The following KAT2B variants were observed in gnomAD, a reference collection of about 807,000 sequenced individuals.
The protein encoded by KAT2B is histone acetyltransferase KAT2B.
A neutral mutation model predicts 105.9 loss-of-function variants in KAT2B; 36 were observed. The ratio of observed to expected loss-of-function variants is 0.34; its 90% confidence interval spans 0.26 to 0.45. The LOEUF (loss-of-function observed/expected upper bound fraction) is 0.45. KAT2B is among the 20% of genes least tolerant of loss of function. The probability of loss-of-function intolerance (pLI) is 1.00; values close to 1 mark genes in which losing one functional copy is unlikely to be tolerated. For synonymous variants in KAT2B, 397 were observed against 377.9 expected (o/e 1.05, Z -0.59); for missense variants, 820 against 1,021.6 (o/e 0.80, Z 2.69).
intron 1 of KAT2B, among the ~76,000 whole-genome samples, chr3:20,069,422 G>C (rs1043480975): frequency 2.0e-5 from 3 of 152,108 alleles, no homozygotes; most frequent in African/African-American, 7.2e-5. Flanking sequence ...ATCAACTTCT[G>C]TCCTTCTTGT....
chr3:20,114,559 T>G (rs571613864), intron 6 of KAT2B, among the ~76,000 whole-genome samples: 33 of 152,174 alleles, frequency 2.2e-4, no homozygotes, highest in Non-Finnish European at 3.4e-4. Flanking sequence ...ACAGTGACAG[T>G]GCAGCTATAT....
intron 8 of KAT2B, among the ~76,000 whole-genome samples, chr3:20,121,691 C>CTA (rs10652579): frequency 0.35 from 51,625 of 145,738 alleles, 9,288 homozygotes; most frequent in South Asian, 0.46. Flanking sequence ...AAATATATAG[C>CTA]TATATATACA....
chr3:20,119,065 T>C (rs1180352211), intron 7 of KAT2B, among the ~76,000 whole-genome samples: 2 of 152,048 alleles, frequency 1.3e-5, no homozygotes, highest in Admixed American at 6.6e-5. Flanking sequence ...TCATTGTTGG[T>C]ATTAAGTTTG....
chr3:20,129,344 C>CT (rs995382163), intron 11 of KAT2B, among the ~76,000 whole-genome samples: 1 of 150,324 alleles, frequency 6.7e-6, no homozygotes, highest in African/African-American at 2.4e-5. Flanking sequence ...TTATGGAGAC[C>CT]TTTTACATTA....
chr3:20,137,030 C>G lies in KAT2B; in HGVS notation c.1838C>G (p.Ala613Gly). The G allele has an allele frequency of 6.4e-7, 1 of 1,573,942 alleles. No individual in the cohort carries two copies. The highest frequency in any genetic ancestry group is 8.7e-7 in the Non-Finnish European group (1 of 1,143,658). Residue 613 changes from alanine (A) to glycine (G), a missense_variant, in exon 12 of 18, where the codon GCA becomes GGA. Ala to Gly is a moderately conservative substitution (Grantham distance 60, BLOSUM62 0). This residue lies in a region of KAT2B where 227 missense variants were observed against 292.9 expected (regional missense o/e 0.77). Transcript: ENST00000263754. ...LNFLTYADEY[A>G]IGYFKKQGFS... Reference sequence around the variant, plus strand: ...TTCCTCACATATGCAGATGAATATGCAATTGGATACTTTAAGAAACAGGTT... The same window carrying G: ...TTCCTCACATATGCAGATGAATATGGAATTGGATACTTTAAGAAACAGGTT...
At chr3:20,142,788 A>G (rs912436251) in intron 13 of KAT2B, among the ~76,000 whole-genome samples, 2 of 139,808 alleles carry the variant, frequency 1.4e-5, no homozygotes, top group Non-Finnish European at 3.3e-5. Context: ...ATTTGTGGGC[A>G]CATGAACAGG....
At chr3:20,078,216 C>T (rs184012135) in intron 2 of KAT2B, among the ~76,000 whole-genome samples, 6 of 151,398 alleles carry the variant, frequency 4.0e-5, no homozygotes, top group African/African-American at 7.3e-5. Flanking sequence ...AAAAAGGCAG[C>T]CTGTTTTTAC....
intron 17 of KAT2B, among the ~76,000 whole-genome samples, chr3:20,149,479 G>C (rs1224331698): frequency 1.3e-5 from 1 of 74,224 alleles, no homozygotes; most frequent in Non-Finnish European, 2.3e-5. Context: ...CTGGGCACTG[G>C]AGGGAGACCG....
At chr3:20,069,205 A>G (rs1698275924) in intron 1 of KAT2B, among the ~76,000 whole-genome samples, 1 of 152,232 alleles carries the variant, frequency 6.6e-6, no homozygotes, top group African/African-American at 2.4e-5. Flanking sequence ...ACTTGGGCTT[A>G]TAGGCTATCT....
intron 2 of KAT2B, among the ~76,000 whole-genome samples, chr3:20,083,221 A>C (rs1017475171): frequency 6.6e-6 from 1 of 150,706 alleles, no homozygotes; most frequent in Admixed American, 6.6e-5. Context: ...AGATTTGTGC[A>C]TTGTAGTTTA....
At chr3:20,096,197 T>G (rs1698807634) in intron 3 of KAT2B, among the ~76,000 whole-genome samples, 1 of 152,158 alleles carries the variant, frequency 6.6e-6, no homozygotes, top group Non-Finnish European at 1.5e-5. Context: ...ATTCCAAATT[T>G]ATTTTGGTAA....
intron 1 of KAT2B, among the ~76,000 whole-genome samples, chr3:20,048,692 G>C (rs1351165191): frequency 6.6e-6 from 1 of 152,166 alleles, no homozygotes; most frequent in Non-Finnish European, 1.5e-5. Context: ...GTCGTTAAGA[G>C]AAAAGTGGCT....
At position 20,124,961 on chromosome 3, in the gene KAT2B, C is replaced by T. The variant is rs374802460; in HGVS notation, c.1414-944C>T. Among the ~76,000 whole-genome samples, 44 of 152,262 alleles carry T rather than the reference C, an allele frequency of 2.9e-4. No homozygotes were observed. In the South Asian group the frequency reaches 8.7e-3, roughly 30 times the overall value. On this transcript the variant is annotated intron_variant, in intron 9 of 17. Coordinates refer to ENST00000263754, the MANE Select transcript of KAT2B (RefSeq NM_003884.5). Reference sequence around the variant, plus strand: ...TGCTGGCACATGGTTGTGCTTCCAGCTATGGTTGAGTGTAGGTCAACAGAT... The same window carrying T: ...TGCTGGCACATGGTTGTGCTTCCAGTTATGGTTGAGTGTAGGTCAACAGAT...
rs2293143 is a variant in KAT2B, at chr3:20,095,402, A to C, written c.570A>C (p.Leu190=). 1.2e-4 allele frequency: 184 copies of C among 1,580,820 alleles called. No homozygotes were observed. In the East Asian group the frequency reaches 4.0e-3, roughly 35 times the overall value. Residue 190 remains leucine (L), a synonymous_variant, in exon 3 of 18, where the codon CTA becomes CTC. Transcript: ENST00000263754. The part of the protein sequence containing the change: ...DADTKQVYFY[L]FKLLRKSILQ... ...ATACCAAACAAGTTTATTTCTATCT[A>C]TTTAAGGTGAGATTTTAACATTTTA...
Position 20,111,902 on chromosome 3 carries a change from G to A in KAT2B, c.1043+115G>A, listed in dbSNP as rs2365793. 51,978 of 808,450 alleles carry A rather than the reference G, an allele frequency of 0.064. 1,873 individuals are homozygous for A. Among genetic ancestry groups the A allele is most frequent in the Non-Finnish European group, 0.074 (38,462 of 522,572 alleles). The allele number at this position is 808,450 out of a possible 1,614,324, so 50.1% of individuals were successfully genotyped here. On this transcript the variant is annotated intron_variant, in intron 6 of 17. Transcript: ENST00000263754. ...GAAATGACAGAAGAAACATTCCAAG[G>A]GGATGGGAGAAAAGACCCTCAGTTC...
At chr3:20,083,439 G>A (rs1698555659) in intron 2 of KAT2B, among the ~76,000 whole-genome samples, 1 of 152,168 alleles carries the variant, frequency 6.6e-6, no homozygotes, top group East Asian at 1.9e-4. Context: ...TGTCAGTATA[G>A]TAAATAGTTT....
In KAT2B at chr3:20,085,360, C is replaced by T. The variant is rs1472681599; in HGVS notation, c.431-9903C>T. Among the ~76,000 whole-genome samples, 4 of 152,104 alleles carry T rather than the reference C, an allele frequency of 2.6e-5. 1 individual carries two copies. Among genetic ancestry groups the T allele is most frequent in the Non-Finnish European group, 5.9e-5 (4 of 68,028 alleles). ...TTGCAGTCTTAAGAAAAAGATGACC[C>T]AGCAAATGTTCTACCTAAGATGAAG... is the stretch of plus-strand genomic sequence containing the variant. On this transcript the variant is annotated intron_variant, in intron 2 of 17. Transcript: ENST00000263754.
At chr3:20,062,776 T>G (rs1698160596) in intron 1 of KAT2B, among the ~76,000 whole-genome samples, 1 of 152,046 alleles carries the variant, frequency 6.6e-6, no homozygotes, top group Non-Finnish European at 1.5e-5. Flanking sequence ...TTCATAATTA[T>G]TAATGATGTT....
At chr3:20,090,610 T>C (rs1200139990) in intron 2 of KAT2B, among the ~76,000 whole-genome samples, 2 of 152,206 alleles carry the variant, frequency 1.3e-5, no homozygotes, top group Admixed American at 1.3e-4. Context: ...CTGTTGTGTA[T>C]TTTTGCATCC....
Sources: gnomAD v4.1 joint callset for allele counts (sites outside exome capture counted in the v4.1 genomes callset) on GRCh38, gnomAD v4.1.1 for gene constraint, gnomAD v4.1.1 regional missense constraint, MANE v1.5 for transcripts, NCBI Gene and HGNC (gene_info 2026-07-23, HGNC 2026-07-21) for gene names.